Variants in ZFYVE26 observed in about 807,000 individuals in gnomAD.
The protein encoded by ZFYVE26 is zinc finger FYVE-type containing 26.
A neutral mutation model predicts 276.5 loss-of-function variants in ZFYVE26; 181 were observed. The ratio of observed to expected loss-of-function variants is 0.65; its 90% CI spans 0.58 to 0.74. ZFYVE26 has a LOEUF of 0.74. Ranked by LOEUF, ZFYVE26 falls within the 30% of genes least tolerant of loss-of-function variation. The pLI, the probability that ZFYVE26 is intolerant of heterozygous loss-of-function variation, is 0.00. For missense variants in ZFYVE26, 2,821 were observed against 3,097.9 expected (o/e 0.91, Z 2.12); for synonymous variants, 1,129 against 1,203.1 (o/e 0.94, Z 1.27).
chr14:67,758,139 G>A (rs992585581), intron 35 of ZFYVE26, among the ~76,000 whole-genome samples: 3 of 152,298 alleles, frequency 2.0e-5, no homozygotes, highest in African/African-American at 7.2e-5. Context: ...TGGCTATAAA[G>A]TCACAGTGGT....
chr14:67,781,191 C>T, intron 22 of ZFYVE26, 142 bp downstream of exon 22: 1 of 913,726 alleles, frequency 1.1e-6, no homozygotes, highest in Non-Finnish European at 1.8e-6. Flanking sequence ...CCCTGCTGTT[C>T]ACCTAAGAAC....
intron 32 of ZFYVE26, among the ~76,000 whole-genome samples, chr14:67,764,941 T>C (rs559439196): frequency 6.6e-6 from 1 of 152,338 alleles, no homozygotes; most frequent in African/African-American, 2.4e-5. Context: ...CTTTTCCTTT[T>C]TTCATTTACA....
chr14:67,774,027 C>T (rs759778305), intron 27 of ZFYVE26, among the ~76,000 whole-genome samples: 5 of 152,120 alleles, frequency 3.3e-5, no homozygotes, highest in East Asian at 1.9e-4. Context: ...GGGCTAAGTA[C>T]GGTCAAGGCT....
intron 24 of ZFYVE26, 128 bp downstream of exon 24, chr14:67,777,998 C>G: frequency 2.1e-6 from 3 of 1,429,718 alleles, no homozygotes; most frequent in Non-Finnish European, 2.9e-6. Flanking sequence ...TGACTATAAC[C>G]AGCTCCTGAA....
At chr14:67,765,589 A>G (rs553004903) in intron 32 of ZFYVE26, among the ~76,000 whole-genome samples, 1 of 152,302 alleles carries the variant, frequency 6.6e-6, no homozygotes, top group East Asian at 1.9e-4. Flanking sequence ...ACACAATCTG[A>G]GTCACACATT....
intron 13 of ZFYVE26, chr14:67,734,089 C>T: frequency 2.5e-6 from 1 of 393,914 alleles, no homozygotes; most frequent in Non-Finnish European, 4.9e-6. Context: ...AAGTCAGCAA[C>T]CCTCTGGGGG....
At position 67,755,953 on chromosome 14, in the gene ZFYVE26, T is replaced by C. The variant is rs746645190; in HGVS notation, c.6781A>G (p.Met2261Val). The C allele has an allele frequency of 2.1e-5, 34 of 1,614,096 alleles. No individual in the cohort carries two copies. Among genetic ancestry groups the C allele is most frequent in the Non-Finnish European group, 2.5e-5 (29 of 1,180,046 alleles). The change falls in exon 36 of 42, where the codon ATG becomes GTG. Residue 2261 changes from methionine (M) to valine (V), a missense_variant. By Grantham distance (21) the Met-to-Val change is conservative (BLOSUM62 1). Coordinates refer to ENST00000347230, the MANE Select transcript of ZFYVE26 (RefSeq NM_015346.4). ...YHILYELQQF[M>V]KDQVRAAMTC... ...CAGGAAGGGGCTGCCATTACCTTCA[T>C]AAACTGCTGCAGCTCATACAGAATG...
intron 21 of ZFYVE26, 61 bp from the exon 22 acceptor site, chr14:67,781,590 C>T (rs2039502251): frequency 2.0e-6 from 3 of 1,500,772 alleles, no homozygotes; most frequent in Non-Finnish European, 2.8e-6. Context: ...TTCAAGAGTC[C>T]AGGTTACTTC....
intron 4 of ZFYVE26, among the ~76,000 whole-genome samples, chr14:67,808,962 A>T (rs986918386): frequency 6.6e-6 from 1 of 152,222 alleles, no homozygotes; most frequent in Non-Finnish European, 1.5e-5. Context: ...CCTGCTATCT[A>T]CTAATAAATC....
At chr14:67,733,637 G>C (rs2038314311) in intron 13 of ZFYVE26, 3 of 734,092 alleles carry the variant, frequency 4.1e-6, no homozygotes, top group African/African-American at 3.5e-5. Context: ...TTTGAGTCTG[G>C]CATATATTGT....
At chr14:67,737,912 C>G (rs1447700312) in intron 13 of ZFYVE26, among the ~76,000 whole-genome samples, 2 of 152,022 alleles carry the variant, frequency 1.3e-5, no homozygotes, top group African/African-American at 4.8e-5. Context: ...AGACACAGAA[C>G]CCAACAGAGA....
intron 10 of ZFYVE26, 131 bp downstream of exon 10, chr14:67,801,948 C>T (rs1387340958): frequency 1.2e-5 from 12 of 1,010,016 alleles, no homozygotes; most frequent in East Asian, 2.4e-5. Flanking sequence ...ATGGATGAAA[C>T]TATCCCTGGG....
At chr14:67,810,492 A>C (rs181566) in intron 3 of ZFYVE26, among the ~76,000 whole-genome samples, 1 of 152,058 alleles carries the variant, frequency 6.6e-6, no homozygotes, top group Non-Finnish European at 1.5e-5. Flanking sequence ...GCACATATTT[A>C]TATATTTTTT....
intron 14 of ZFYVE26, among the ~76,000 whole-genome samples, chr14:67,791,283 A>G (rs774156558): frequency 6.6e-6 from 1 of 152,218 alleles, no homozygotes; most frequent in Non-Finnish European, 1.5e-5. Flanking sequence ...CCTAAACGTA[A>G]TCACCTTGGC....
At position 67,785,201 on chromosome 14, in the gene ZFYVE26, C is replaced by A. The variant is rs559649836; in HGVS notation, c.3381G>T (p.Val1127=). ...TCTGGAGGAGCTGAGTCTGGATCTGCACAGGGTGGGCCTCTGCCTCTGGAG... is the reference window on the plus strand; with the variant it reads ...TCTGGAGGAGCTGAGTCTGGATCTGAACAGGGTGGGCCTCTGCCTCTGGAG... ...QKAPEAEAHP[V]QIQTQLLQKN... The change falls in exon 19 of 42, where the codon GTG becomes GTT. Residue 1127 remains valine, a synonymous_variant. Transcript: ENST00000347230. 1 of 1,614,020 alleles carries A rather than the reference C, an allele frequency of 6.2e-7. No individual in the cohort carries two copies. Among genetic ancestry groups the A allele is most frequent in the Admixed American group, 1.7e-5 (1 of 60,006 alleles).
At chr14:67,802,931 C>A (rs1158448063) in intron 9 of ZFYVE26, among the ~76,000 whole-genome samples, 1 of 152,146 alleles carries the variant, frequency 6.6e-6, no homozygotes, top group African/African-American at 2.4e-5. Context: ...TCCTGTGGGG[C>A]AGATTGTGAC....
At position 67,809,782 on chromosome 14, in the gene ZFYVE26, CTTTTTTTTTTTT is replaced by C. The variant is rs58842467; in HGVS notation, c.274-505_274-494del. On this transcript the variant is annotated intron_variant, in intron 3 of 41. Transcript: ENST00000347230. The stretch of plus-strand genomic sequence containing the variant: ...TATGTTTTCAGTACTATTCTTTTCT[CTTTTTTTTTTTT>C]TTTTTTTTGAGATAGAGTCTCGCTC... Among the ~76,000 whole-genome samples, 131 of 120,136 alleles carry C rather than the reference CTTTTTTTTTTTT, an allele frequency of 1.1e-3. 2 individuals carry two copies. The highest frequency in any genetic ancestry group is 1.4e-3 in the Non-Finnish European group (85 of 59,094). 78.8% of individuals were successfully genotyped at this position (120,136 alleles called of 152,430 possible). A position where few individuals can be genotyped will look rare whatever the true frequency, so the allele number is the denominator to read the frequency against.
chr14:67,808,027 G>T, intron 4 of ZFYVE26, 107 bp from the exon 5 acceptor site: 1 of 1,322,396 alleles, frequency 7.6e-7, no homozygotes, highest in Non-Finnish European at 1.1e-6. Context: ...TAATAGTGGC[G>T]GTAACAAATA....
chr14:67,788,055 T>C (rs909910986), intron 16 of ZFYVE26, among the ~76,000 whole-genome samples: 3 of 151,702 alleles, frequency 2.0e-5, no homozygotes, highest in Non-Finnish European at 4.4e-5. Flanking sequence ...ATTTGCTACA[T>C]GTTAAGCAGA....
Sources: allele counts gnomAD v4.1 joint callset (sites outside exome capture counted in the v4.1 genomes callset), GRCh38; gene constraint gnomAD v4.1.1; transcripts MANE v1.5; gene names NCBI Gene and HGNC (gene_info 2026-07-23, HGNC 2026-07-21).